CDH7: variants seen among roughly 807,000 people sequenced by gnomAD.
CDH7 encodes the protein cadherin 7.
CDH7 carries 25 observed loss-of-function variants against 71.8 expected under a neutral mutation model. The observed-to-expected ratio is 0.35, with a 90% CI of 0.25 to 0.49. CDH7 has a LOEUF of 0.49. CDH7 is among the 20% of genes least tolerant of loss of function. The probability of loss-of-function intolerance (pLI) is 0.99; values close to 1 mark genes in which losing one functional copy is unlikely to be tolerated. For missense variants in CDH7, 862 were observed against 974.6 expected (o/e 0.88, Z 1.54); for synonymous variants, 381 against 363.8 (o/e 1.05, Z -0.54).
At chr18:65,802,398 C>G (rs1257581214) in intron 2 of CDH7, among the ~76,000 whole-genome samples, 1 of 152,168 alleles carries the variant, frequency 6.6e-6, no homozygotes, top group East Asian at 1.9e-4. Context: ...AGTTTCTAAG[C>G]CATTCCTCTC....
At chr18:65,820,450 G>A (rs528483475) in intron 4 of CDH7, among the ~76,000 whole-genome samples, 11 of 152,052 alleles carry the variant, frequency 7.2e-5, no homozygotes, top group African/African-American at 2.7e-4. Flanking sequence ...TATAATACAT[G>A]ACAAAACACA....
intron 10 of CDH7, 147 bp downstream of exon 10, chr18:65,859,972 T>C: frequency 1.8e-6 from 1 of 565,400 alleles, no homozygotes; most frequent in Non-Finnish European, 3.1e-6. Flanking sequence ...AATTTTTATC[T>C]ATGGATTTAC....
chr18:65,815,965 A>C (rs1288220883), intron 4 of CDH7, among the ~76,000 whole-genome samples: 2 of 152,152 alleles, frequency 1.3e-5, no homozygotes, highest in Non-Finnish European at 2.9e-5. Flanking sequence ...AGCATGTATT[A>C]AGTCCAAGGA....
In CDH7 at chr18:65,841,525, G is replaced by A. The variant is rs780831569; in HGVS notation, c.982-2287G>A. Among the ~76,000 whole-genome samples, 80 of 152,184 alleles carry A rather than the reference G, an allele frequency of 5.3e-4. 1 individual carries two copies. The highest frequency in any genetic ancestry group is 9.7e-4 in the Non-Finnish European group (66 of 68,000). On this transcript the variant is annotated intron_variant, in intron 6 of 11. Transcript: ENST00000397968. ...ATTTGAAAATAAGATTTCTCTTATA[G>A]TTAGTAATTTTTATAAAGAATATAA...
intron 1 of CDH7, among the ~76,000 whole-genome samples, chr18:65,756,082 A>G (rs1916020592): frequency 6.6e-6 from 1 of 152,196 alleles, no homozygotes; most frequent in Non-Finnish European, 1.5e-5. Context: ...TTGCTGTGGA[A>G]TGGTGTCATT....
At chr18:65,810,432 C>CAAG (rs1161864100) in intron 3 of CDH7, among the ~76,000 whole-genome samples, 1 of 152,128 alleles carries the variant, frequency 6.6e-6, no homozygotes, top group Non-Finnish European at 1.5e-5. Context: ...GCCAATGTAT[C>CAAG]AAGAAGGCCA....
At chr18:65,842,692 G>A (rs1219982592) in intron 6 of CDH7, among the ~76,000 whole-genome samples, 7 of 151,920 alleles carry the variant, frequency 4.6e-5, no homozygotes, top group South Asian at 2.1e-4. Context: ...GAATAAATGC[G>A]TGCCTGCATA....
chr18:65,839,354 C>A (rs1287045991), intron 6 of CDH7, among the ~76,000 whole-genome samples: 1 of 152,104 alleles, frequency 6.6e-6, no homozygotes, highest in Non-Finnish European at 1.5e-5. Context: ...ACAGCCATAT[C>A]CTGTGTCCTC....
chr18:65,868,811 C>T (rs1002616914), intron 11 of CDH7, among the ~76,000 whole-genome samples: 2 of 152,278 alleles, frequency 1.3e-5, no homozygotes, highest in Admixed American at 6.5e-5. Flanking sequence ...AAGGTGAAAT[C>T]ATTCTCCCTC....
chr18:65,880,406 A>G lies in CDH7; in HGVS notation c.1870A>G (p.Ile624Val). Residue 624 changes from isoleucine (I) to valine (V), a missense_variant, in exon 12 of 12, where the codon ATC becomes GTC. Coordinates refer to ENST00000397968, the MANE Select transcript of CDH7 (RefSeq NM_004361.5). The stretch of plus-strand genomic sequence containing the variant: ...TTCCTGTCTTATTGTTTCAGTGTTG[A>G]TCCTCCTTATCGTCACTATGAGAAG... ...LACVLTLLVL[I>V]LLIVTMRRRK... 6.5e-7 allele frequency: 1 copy of G among 1,535,022 alleles called. No individual in the cohort carries two copies. The highest frequency in any genetic ancestry group is 8.7e-7 in the Non-Finnish European group (1 of 1,147,822).
intron 2 of CDH7, among the ~76,000 whole-genome samples, chr18:65,789,544 A>G (rs1479082052): frequency 3.3e-5 from 5 of 152,152 alleles, no homozygotes; most frequent in African/African-American, 9.7e-5. Flanking sequence ...AGAAACATCA[A>G]TTCTGTTACA....
intron 2 of CDH7, among the ~76,000 whole-genome samples, chr18:65,796,276 C>T (rs200963820): frequency 1.3e-5 from 2 of 152,052 alleles, no homozygotes; most frequent in Non-Finnish European, 2.9e-5. Flanking sequence ...CTTTTTTCCA[C>T]AAGCCATTAC....
At chr18:65,834,027 G>A (rs984765426) in intron 6 of CDH7, among the ~76,000 whole-genome samples, 10 of 152,092 alleles carry the variant, frequency 6.6e-5, no homozygotes, top group African/African-American at 2.4e-4. Flanking sequence ...ATGTAAAATT[G>A]TCCTTCCTTT....
chr18:65,839,222 AC>A (rs1322962430), intron 6 of CDH7, among the ~76,000 whole-genome samples: 2 of 152,184 alleles, frequency 1.3e-5, no homozygotes, highest in African/African-American at 4.8e-5. Flanking sequence ...CGTTTGGGCT[AC>A]TATAACAGAA....
At chr18:65,772,981 A>G (rs927975006) in intron 2 of CDH7, among the ~76,000 whole-genome samples, 3 of 152,154 alleles carry the variant, frequency 2.0e-5, no homozygotes, top group Non-Finnish European at 4.4e-5. Flanking sequence ...CTCTCTTCAC[A>G]CTGTCTATGG....
At chr18:65,879,798 A>G (rs1304313247) in intron 11 of CDH7, among the ~76,000 whole-genome samples, 1 of 152,198 alleles carries the variant, frequency 6.6e-6, no homozygotes, top group Non-Finnish European at 1.5e-5. Flanking sequence ...GTCTGTAGGT[A>G]TAATGGATAA....
intron 5 of CDH7, among the ~76,000 whole-genome samples, chr18:65,823,131 A>G (rs1911997925): frequency 6.6e-6 from 1 of 151,860 alleles, no homozygotes; most frequent in African/African-American, 2.4e-5. Flanking sequence ...AGCAAATACA[A>G]GTGTCACTGT....
At position 65,888,116 on chromosome 18, in the gene CDH7, G is replaced by T. The variant is rs185005004; in HGVS notation, c.*7222G>T. Reference sequence around the variant, plus strand: ...TGTCCAAACTGAATAGATTATTTTCGTTCAGCTCAAGTGCTATCTTTCAGG... The same window carrying T: ...TGTCCAAACTGAATAGATTATTTTCTTTCAGCTCAAGTGCTATCTTTCAGG... On this transcript the variant is annotated 3_prime_UTR_variant, in exon 12 of 12. Transcript: ENST00000397968. 1 of 152,156 alleles carries T rather than the reference G, an allele frequency of 6.6e-6. No homozygotes were observed. Among genetic ancestry groups the T allele is most frequent in the African/African-American group, 2.4e-5 (1 of 41,510 alleles). The allele number at this position is 152,156 out of a possible 1,614,324, so 9.4% of individuals were successfully genotyped here. A position where few individuals can be genotyped will look rare whatever the true frequency, so the allele number is the denominator to read the frequency against.
chr18:65,761,454 A>G (rs540336768), intron 1 of CDH7, among the ~76,000 whole-genome samples: 3 of 151,482 alleles, frequency 2.0e-5, no homozygotes, highest in Non-Finnish European at 4.4e-5. Context: ...TGAAAAGCTT[A>G]TGAGGATAGT....
Sources: allele counts gnomAD v4.1 joint callset (sites outside exome capture counted in the v4.1 genomes callset), GRCh38; gene constraint gnomAD v4.1.1; transcripts MANE v1.5; gene names NCBI Gene and HGNC (gene_info 2026-07-23, HGNC 2026-07-21).